UBE2Z: variants seen among roughly 807,000 people sequenced by gnomAD.
UBE2Z encodes ubiquitin-conjugating enzyme E2 Z.
UBE2Z carries 10 observed loss-of-function variants against 32.6 expected under a neutral mutation model. The observed-to-expected ratio is 0.31, with a 90% confidence interval of 0.19 to 0.52. UBE2Z has a LOEUF of 0.52. UBE2Z is among the 20% of genes least tolerant of loss of function. The pLI, the probability that UBE2Z is intolerant of heterozygous loss-of-function variation, is 0.97. For missense variants in UBE2Z, 343 were observed against 480.9 expected (o/e 0.71, Z 2.68); for synonymous variants, 183 against 190.8 (o/e 0.96, Z 0.34).
intron 6 of UBE2Z, among the ~76,000 whole-genome samples, chr17:48,924,036 TA>T (rs2040781135): frequency 6.6e-6 from 1 of 152,238 alleles, no homozygotes; most frequent in Non-Finnish European, 1.5e-5. Context: ...TTTGTGTTTT[TA>T]GTAGAGACGG....
At position 48,921,266 on chromosome 17, in the gene UBE2Z, C is replaced by T; in HGVS notation, c.797C>T (p.Pro266Leu). ...GAAGGAAAGTGTCCCTGTCCTGAAC[C>T]CCTACGGTATGTGTCAAGCGGGCTT... is the stretch of plus-strand genomic sequence containing the variant. Reference protein sequence around the residue: ...MMEGKCPCPEPLRGVMEKSFL... With the variant: ...MMEGKCPCPELLRGVMEKSFL... Residue 266 changes from proline to leucine, a missense_variant, in exon 5 of 7, where the codon CCC becomes CTC. By Grantham distance (98) the Pro-to-Leu change is moderately conservative (BLOSUM62 -3). Around this residue, in one of 4 missense-constraint regions of UBE2Z, gnomAD observed 182 missense variants for 312.4 expected, o/e 0.58. Coordinates refer to ENST00000360943, the MANE Select transcript of UBE2Z (RefSeq NM_023079.5). The T allele has an allele frequency of 6.2e-7, 1 of 1,610,242 alleles. No individual in the cohort carries two copies. The highest frequency in any genetic ancestry group is 8.5e-7 in the Non-Finnish European group (1 of 1,178,240).
chr17:48,917,542 C>G (rs2143767213), intron 4 of UBE2Z, among the ~76,000 whole-genome samples: 1 of 152,200 alleles, frequency 6.6e-6, no homozygotes, highest in East Asian at 1.9e-4. Context: ...GGACTGTTAC[C>G]TGCAGAGTCA....
rs2040806681 is a variant in UBE2Z, at chr17:48,927,598, C to G, written c.*464C>G. 6.2e-6 allele frequency: 1 copy of G among 162,414 alleles called. No homozygotes were observed. The highest frequency in any genetic ancestry group is 1.4e-5 in the Non-Finnish European group (1 of 73,192). 10.1% of individuals were successfully genotyped at this position (162,414 alleles called of 1,614,324 possible). On this transcript the variant is annotated 3_prime_UTR_variant, in exon 7 of 7. Coordinates refer to ENST00000360943, the MANE Select transcript of UBE2Z (RefSeq NM_023079.5). ...GGGTGGTTGTCTATTTGTCTGTCTTCAGTCTTGAAGCAGGGCTTCCCAATG... is the reference window on the plus strand; with the variant it reads ...GGGTGGTTGTCTATTTGTCTGTCTTGAGTCTTGAAGCAGGGCTTCCCAATG...
At chr17:48,916,531 G>A (rs780658491) in intron 4 of UBE2Z, among the ~76,000 whole-genome samples, 2 of 151,714 alleles carry the variant, frequency 1.3e-5, no homozygotes, top group Non-Finnish European at 1.5e-5. Context: ...GATTACAGGC[G>A]TGAGCCACCG....
At chr17:48,915,160 C>G (rs780988816) in intron 3 of UBE2Z, among the ~76,000 whole-genome samples, 3 of 152,056 alleles carry the variant, frequency 2.0e-5, no homozygotes, top group Non-Finnish European at 4.4e-5. Context: ...AGAGTTGACT[C>G]TGTTGTAAAG....
At chr17:48,915,527 C>G (rs867228877) in intron 3 of UBE2Z, among the ~76,000 whole-genome samples, 1 of 152,178 alleles carries the variant, frequency 6.6e-6, no homozygotes, top group Non-Finnish European at 1.5e-5. Flanking sequence ...TGGAAGCACC[C>G]CTTATTCTCT....
intron 4 of UBE2Z, among the ~76,000 whole-genome samples, chr17:48,916,502 C>T (rs921941282): frequency 1.3e-5 from 2 of 151,542 alleles, no homozygotes; most frequent in African/African-American, 4.8e-5. Flanking sequence ...CCGCCTGCCT[C>T]GGCCTCCCAG....
chr17:48,922,469 A>C (rs2040766834), intron 5 of UBE2Z, among the ~76,000 whole-genome samples: 1 of 152,164 alleles, frequency 6.6e-6, no homozygotes, highest in Non-Finnish European at 1.5e-5. Context: ...TTAATTTGGC[A>C]TTAAGGTTAG....
intron 5 of UBE2Z, among the ~76,000 whole-genome samples, chr17:48,922,068 A>G (rs1277752605): frequency 6.6e-6 from 1 of 152,160 alleles, no homozygotes; most frequent in Admixed American, 6.5e-5. Flanking sequence ...CACACTCATA[A>G]TTCCTGATGT....
At chr17:48,912,634 TG>T in intron 2 of UBE2Z, 199 bp from the exon 3 acceptor site, 1 of 568,962 alleles carries the variant, frequency 1.8e-6, no homozygotes, top group South Asian at 2.5e-5. Flanking sequence ...GTCATTCCAC[TG>T]TAATGAGATT....
rs1598069656 is a variant in UBE2Z at position 48,908,970 on chromosome 17, G to A, written c.317+150G>A. 8.7e-5 allele frequency: 39 copies of A among 446,168 alleles called. No individual in the cohort carries two copies. In the South Asian group the frequency reaches 1.2e-3, roughly 13 times the overall value. 27.6% of individuals were successfully genotyped at this position (446,168 alleles called of 1,614,324 possible). A position where few individuals can be genotyped will look rare whatever the true frequency, so the allele number is the denominator to read the frequency against. ...GGCCCAAATCTTGCCAGCTCCGGGCGTCGGGATCCAACTCCCTTCTCCCCC... is the reference window on the plus strand; with the variant it reads ...GGCCCAAATCTTGCCAGCTCCGGGCATCGGGATCCAACTCCCTTCTCCCCC... On this transcript the variant is annotated intron_variant, in intron 1 of 6. Coordinates refer to ENST00000360943, the MANE Select transcript of UBE2Z (RefSeq NM_023079.5).
chr17:48,908,755 C>A lies in UBE2Z; in HGVS notation c.252C>A (p.Asp84Glu). 6.7e-7 allele frequency: 1 copy of A among 1,500,158 alleles called. No individual in the cohort carries two copies. 92.9% of individuals were successfully genotyped at this position (1,500,158 alleles called of 1,614,324 possible). Residue 84 changes from aspartate (D) to glutamate (E), a missense_variant, in exon 1 of 7, where the codon GAC becomes GAA. Asp to Glu is a conservative substitution (Grantham distance 45). Coordinates refer to ENST00000360943, the MANE Select transcript of UBE2Z (RefSeq NM_023079.5). ...GGGCCGCGCTGCTTAGCCACTGGGA[C>A]CCCACGCTCAGCTCCGACTGGGACG... ...AHGAALLSHW[D>E]PTLSSDWDGE...
intron 6 of UBE2Z, among the ~76,000 whole-genome samples, chr17:48,925,188 C>G (rs2040789428): frequency 6.7e-6 from 1 of 149,692 alleles, no homozygotes; most frequent in Non-Finnish European, 1.5e-5. Flanking sequence ...GAGACTGAGG[C>G]ACAAGAATTT....
At chr17:48,921,514 A>G (rs1434702968) in intron 5 of UBE2Z, among the ~76,000 whole-genome samples, 1 of 152,168 alleles carries the variant, frequency 6.6e-6, no homozygotes, top group Non-Finnish European at 1.5e-5. Context: ...TTCCAGTTTG[A>G]TGAAGGCTTG....
chr17:48,910,603 T>C, intron 1 of UBE2Z: 1 of 462,380 alleles, frequency 2.2e-6, no homozygotes, highest in Non-Finnish European at 3.9e-6. Flanking sequence ...ACAATGCCCT[T>C]TTGATAATAA....
rs886417398 is a variant in UBE2Z at position 48,918,202 on chromosome 17, T to G, written c.690+2015T>G. ...ATCCACTCGCCTTGGCCTCTGAAAG[T>G]GCTGGGATTACAGGCGTGAGCAACC... On this transcript the variant is annotated intron_variant, in intron 4 of 6. Coordinates refer to ENST00000360943, the MANE Select transcript of UBE2Z (RefSeq NM_023079.5). Among the ~76,000 whole-genome samples the G allele has an allele frequency of 3.9e-5, 6 of 152,192 alleles. No homozygotes were observed. The East Asian group carries it at 9.6e-4, about 24-fold the overall frequency.
intron 1 of UBE2Z, among the ~76,000 whole-genome samples, chr17:48,909,836 A>G (rs2040662797): frequency 6.6e-6 from 1 of 152,068 alleles, no homozygotes; most frequent in African/African-American, 2.4e-5. Context: ...ACGTCCTTTC[A>G]GATGTCTCTG....
chr17:48,919,562 G>A (rs1417179941), intron 4 of UBE2Z, among the ~76,000 whole-genome samples: 5 of 152,116 alleles, frequency 3.3e-5, no homozygotes, highest in Admixed American at 6.5e-5. Flanking sequence ...CTGAAGCCTC[G>A]AACTCCTGGG....
At chr17:48,909,971 C>T (rs2040664153) in intron 1 of UBE2Z, among the ~76,000 whole-genome samples, 1 of 152,206 alleles carries the variant, frequency 6.6e-6, no homozygotes, top group Non-Finnish European at 1.5e-5. Flanking sequence ...GCACTCAACT[C>T]TTTTCCTCCT....
Sources: gnomAD v4.1 joint callset for allele counts (sites outside exome capture counted in the v4.1 genomes callset) on GRCh38, gnomAD v4.1.1 for gene constraint, gnomAD v4.1.1 regional missense constraint, MANE v1.5 for transcripts, NCBI Gene and HGNC (gene_info 2026-07-23, HGNC 2026-07-21) for gene names.